The following GABBR2 variants were observed in gnomAD, a reference collection of about 807,000 sequenced individuals.
GABBR2 encodes gamma-aminobutyric acid type B receptor subunit 2, also known as G-protein coupled receptor 51.
In GABBR2, 23 loss-of-function variants were observed where a neutral mutation model predicts 105.6. The ratio of observed to expected loss-of-function variants is 0.22; its 90% CI spans 0.16 to 0.31. The LOEUF (loss-of-function observed/expected upper bound fraction) is 0.31, where lower values mean the gene tolerates loss of function less well. GABBR2 is among the 10% of genes least tolerant of loss of function. The pLI is 1.00. For synonymous variants in GABBR2, 478 were observed against 499.7 expected (o/e 0.96, Z 0.58); for missense variants, 734 against 1,245.5 (o/e 0.59, Z 6.18).
intron 1 of GABBR2, among the ~76,000 whole-genome samples, chr9:98,583,599 G>A (rs1564121813): frequency 6.6e-6 from 1 of 152,202 alleles, no homozygotes; most frequent in Non-Finnish European, 1.5e-5. Flanking sequence ...GGAAGGGTGG[G>A]TGAATGTCTC....
intron 1 of GABBR2, among the ~76,000 whole-genome samples, chr9:98,646,017 C>T (rs10987230): frequency 0.054 from 8,194 of 152,238 alleles, 848 homozygotes; most frequent in East Asian, 0.44. Flanking sequence ...AGTCTGGCTC[C>T]GGGATCCCTG....
intron 12 of GABBR2, among the ~76,000 whole-genome samples, chr9:98,364,403 C>A (rs894533386): frequency 6.6e-6 from 1 of 152,308 alleles, no homozygotes; most frequent in East Asian, 1.9e-4. Context: ...AAGGCCTGAC[C>A]TGCACCTTTC....
intron 5 of GABBR2, among the ~76,000 whole-genome samples, chr9:98,479,494 C>T (rs770358876): frequency 8.5e-5 from 13 of 152,214 alleles, no homozygotes; most frequent in Non-Finnish European, 1.9e-4. Context: ...ATCCAAGATC[C>T]CCTGAAATGT....
intron 2 of GABBR2, among the ~76,000 whole-genome samples, chr9:98,562,053 G>GA (rs1056808265): frequency 2.0e-5 from 3 of 152,088 alleles, no homozygotes; most frequent in African/African-American, 7.2e-5. Context: ...TACAGAGGGG[G>GA]AAAAATGTAT....
chr9:98,694,859 AG>A (rs1830728575), intron 1 of GABBR2, among the ~76,000 whole-genome samples: 1 of 152,240 alleles, frequency 6.6e-6, no homozygotes, highest in Admixed American at 6.5e-5. Context: ...GACTAGCTCA[AG>A]GTCATCCATT....
At chr9:98,342,280 G>T (rs1831227026) in intron 13 of GABBR2, among the ~76,000 whole-genome samples, 1 of 152,112 alleles carries the variant, frequency 6.6e-6, no homozygotes, top group South Asian at 2.1e-4. Flanking sequence ...TGGGTAGAAG[G>T]TGCGCAGGCA....
At chr9:98,317,198 C>G (rs548673218) in intron 13 of GABBR2, among the ~76,000 whole-genome samples, 3 of 152,302 alleles carry the variant, frequency 2.0e-5, no homozygotes, top group South Asian at 4.1e-4. Context: ...GGCACCGTGT[C>G]CAGCAGTGAG....
At chr9:98,678,813 T>C (rs1290701688) in intron 1 of GABBR2, among the ~76,000 whole-genome samples, 1 of 152,188 alleles carries the variant, frequency 6.6e-6, no homozygotes, top group African/African-American at 2.4e-5. Flanking sequence ...AGACTGATAA[T>C]TTCCTATGGT....
intron 1 of GABBR2, among the ~76,000 whole-genome samples, chr9:98,605,547 CT>C (rs1164599449): frequency 4.6e-5 from 7 of 152,226 alleles, no homozygotes; most frequent in Non-Finnish European, 4.4e-5. Context: ...GGCCCACTTC[CT>C]TTTCTTAATG....
intron 17 of GABBR2, 132 bp from the exon 18 acceptor site, chr9:98,294,034 A>C: frequency 1.4e-6 from 1 of 694,904 alleles, no homozygotes; most frequent in South Asian, 1.7e-5. Flanking sequence ...TGTGTTCTCT[A>C]AGCTGAGGTC....
chr9:98,337,024 G>C (rs923335668), intron 13 of GABBR2, among the ~76,000 whole-genome samples: 1 of 152,058 alleles, frequency 6.6e-6, no homozygotes, highest in African/African-American at 2.4e-5. Flanking sequence ...CACCAAGAAG[G>C]CTGGGTTCAG....
At position 98,454,510 on chromosome 9, in the gene GABBR2, G is replaced by C. The variant is rs1220797603; in HGVS notation, c.1000-293C>G. On this transcript the variant is annotated intron_variant, in intron 6 of 18. Coordinates refer to ENST00000259455, the MANE Select transcript of GABBR2 (RefSeq NM_005458.8). This position sits in a 1 kb window ranked among gnomAD's most constrained non-coding sequence, Gnocchi z 4.6. Reference sequence around the variant, plus strand: ...TCTTTTGGCAAGACTAGAGAGAGGGGATAATACACCCTAACCAGGCCTTTG... The same window carrying C: ...TCTTTTGGCAAGACTAGAGAGAGGGCATAATACACCCTAACCAGGCCTTTG... 6.6e-6 allele frequency among the ~76,000 whole-genome samples: 1 copy of C among 152,164 alleles called. No individual in the cohort carries two copies. Among genetic ancestry groups the C allele is most frequent in the East Asian group, 1.9e-4 (1 of 5,184 alleles).
intron 3 of GABBR2, among the ~76,000 whole-genome samples, chr9:98,502,126 A>G (rs1827412906): frequency 2.6e-5 from 4 of 152,192 alleles, no homozygotes; most frequent in Admixed American, 2.6e-4. Flanking sequence ...CCTGCAAGAC[A>G]TAGGGGGAGA....
At chr9:98,600,664 A>G (rs1461603603) in intron 1 of GABBR2, among the ~76,000 whole-genome samples, 1 of 152,254 alleles carries the variant, frequency 6.6e-6, no homozygotes, top group African/African-American at 2.4e-5. Context: ...GTTAGTATCA[A>G]CGTTCACCTC....
intron 1 of GABBR2, among the ~76,000 whole-genome samples, chr9:98,660,991 C>T (rs1294192921): frequency 6.6e-6 from 1 of 152,138 alleles, no homozygotes; most frequent in Non-Finnish European, 1.5e-5. Context: ...CTGCAACCTC[C>T]TCCTCCTGGG....
At chr9:98,428,138 C>T (rs950262865) in intron 7 of GABBR2, among the ~76,000 whole-genome samples, 3 of 152,196 alleles carry the variant, frequency 2.0e-5, no homozygotes, top group Non-Finnish European at 4.4e-5. Context: ...CATAATTCAT[C>T]CTGGATGGCT....
chr9:98,400,488 T>C (rs1223206605), intron 8 of GABBR2, among the ~76,000 whole-genome samples: 2 of 152,198 alleles, frequency 1.3e-5, no homozygotes, highest in Non-Finnish European at 1.5e-5. Context: ...ATGTTCAATG[T>C]GCACACAGAT....
chr9:98,511,510 C>A (rs2131696986), intron 3 of GABBR2, among the ~76,000 whole-genome samples: 2 of 146,612 alleles, frequency 1.4e-5, no homozygotes, highest in East Asian at 2.0e-4. Context: ...ACACCGCTAG[C>A]AAGACTAATA....
In GABBR2 at chr9:98,696,366, G is replaced by A. The variant is rs77289982; in HGVS notation, c.321+12051C>T. On this transcript the variant is annotated intron_variant, in intron 1 of 18. Coordinates refer to ENST00000259455, the MANE Select transcript of GABBR2 (RefSeq NM_005458.8). ...AGCAATGCTGGGAGTGGGCAGGGCA[G>A]ACTCCAGAGGGCTTGCAAAGCTGTG... 3.2e-3 allele frequency among the ~76,000 whole-genome samples: 487 copies of A among 152,342 alleles called. 9 individuals carry two copies. In the East Asian group the frequency reaches 0.037, roughly 12 times the overall value.
Sources: allele counts gnomAD v4.1 joint callset (sites outside exome capture counted in the v4.1 genomes callset), GRCh38; gene constraint gnomAD v4.1.1; non-coding constraint Gnocchi (gnomAD v3.1); transcripts MANE v1.5; gene names NCBI Gene and HGNC (gene_info 2026-07-23, HGNC 2026-07-21).